VTI1A: variants seen among roughly 807,000 people sequenced by gnomAD.
The protein encoded by VTI1A is vesicle transport through interaction with t-SNAREs homolog 1A.
In VTI1A, 22 loss-of-function variants were observed where a neutral mutation model predicts 34.9. The ratio of observed to expected loss-of-function variants is 0.63; its 90% CI spans 0.45 to 0.90. VTI1A has a LOEUF of 0.90. Among genes scored for constraint, VTI1A ranks in the 40% least tolerant of loss-of-function variants. The pLI is 0.00. For synonymous variants in VTI1A, 87 were observed against 97.3 expected (o/e 0.89, Z 0.62); for missense variants, 268 against 275.6 (o/e 0.97, Z 0.20).
At chr10:112,672,293 A>G (rs1188984648) in intron 7 of VTI1A, among the ~76,000 whole-genome samples, 3 of 152,248 alleles carry the variant, frequency 2.0e-5, no homozygotes, top group Non-Finnish European at 4.4e-5. Flanking sequence ...AACTGCTTCA[A>G]CCGAAAAGAA....
chr10:112,611,810 C>T (rs1228475107), intron 5 of VTI1A, among the ~76,000 whole-genome samples: 1 of 143,472 alleles, frequency 7.0e-6, no homozygotes, highest in Non-Finnish European at 1.5e-5. Context: ...AGCGCTATCT[C>T]AGCTCACTGC....
intron 5 of VTI1A, among the ~76,000 whole-genome samples, chr10:112,597,790 C>T (rs1844720813): frequency 6.7e-6 from 1 of 148,302 alleles, no homozygotes; most frequent in South Asian, 2.1e-4. Context: ...CTCCGCCTCC[C>T]GGGTTCACGC....
At chr10:112,492,464 C>G (rs1423406631) in intron 3 of VTI1A, among the ~76,000 whole-genome samples, 2 of 152,080 alleles carry the variant, frequency 1.3e-5, no homozygotes, top group Non-Finnish European at 2.9e-5. Context: ...TAGATAAAAG[C>G]TATTTCTCCT....
At chr10:112,491,095 G>A (rs1442058404) in intron 3 of VTI1A, among the ~76,000 whole-genome samples, 1 of 152,216 alleles carries the variant, frequency 6.6e-6, no homozygotes, top group East Asian at 1.9e-4. Flanking sequence ...TTCATGACAA[G>A]AGTAGAACAT....
At chr10:112,477,378 G>T (rs907923744) in intron 3 of VTI1A, among the ~76,000 whole-genome samples, 10 of 152,290 alleles carry the variant, frequency 6.6e-5, no homozygotes, top group Admixed American at 2.0e-4. Context: ...TCCATCCTCA[G>T]TGCATTTTAT....
At chr10:112,506,078 C>T (rs1417394841) in intron 3 of VTI1A, among the ~76,000 whole-genome samples, 2 of 151,996 alleles carry the variant, frequency 1.3e-5, no homozygotes, top group South Asian at 2.1e-4. Context: ...AAATATGTGT[C>T]GTTGCCATTT....
chr10:112,486,651 A>G (rs1848640939), intron 3 of VTI1A, among the ~76,000 whole-genome samples: 1 of 152,002 alleles, frequency 6.6e-6, no homozygotes, highest in Admixed American at 6.6e-5. Flanking sequence ...ATCACAGAAT[A>G]TACAGTTGTA....
chr10:112,808,980 A>C (rs1347675086), intron 7 of VTI1A, among the ~76,000 whole-genome samples: 1 of 152,182 alleles, frequency 6.6e-6, no homozygotes, highest in Non-Finnish European at 1.5e-5. Flanking sequence ...ATCTGGCTTG[A>C]GTGGCAGACC....
rs67154330 is a variant in VTI1A at position 112,811,712 on chromosome 10, A to AAAAT, written c.561-3578_561-3577insAAAT. Reference sequence around the variant, plus strand: ...AAAAAAAAAAAAAAAAAAAAAAAAAAGAGTGCAGTCCATGCCTGGAAGTAG... The same window carrying AAAAT: ...AAAAAAAAAAAAAAAAAAAAAAAAAAAAATGAGTGCAGTCCATGCCTGGAAGTAG... On this transcript the variant is annotated intron_variant, in intron 7 of 7. Coordinates refer to ENST00000393077, the MANE Select transcript of VTI1A (RefSeq NM_145206.4). Among the ~76,000 whole-genome samples the AAAAT allele has an allele frequency of 8.3e-5, 7 of 84,044 alleles. 1 individual carries two copies. Among genetic ancestry groups the AAAAT allele is most frequent in the Non-Finnish European group, 1.6e-4 (7 of 44,322 alleles). The allele number at this position is 84,044 out of a possible 152,430, so 55.1% of individuals were successfully genotyped here. A position where few individuals can be genotyped will look rare whatever the true frequency, so the allele number is the denominator to read the frequency against.
chr10:112,743,016 G>A (rs1017615770), intron 7 of VTI1A, among the ~76,000 whole-genome samples: 1 of 41,696 alleles, frequency 2.4e-5, no homozygotes, highest in Non-Finnish European at 5.1e-5. Flanking sequence ...CTATTCTCGT[G>A]TGTGTGTGTG....
At chr10:112,522,630 C>T (rs977899933) in intron 3 of VTI1A, among the ~76,000 whole-genome samples, 3 of 152,076 alleles carry the variant, frequency 2.0e-5, no homozygotes, top group African/African-American at 4.8e-5. Flanking sequence ...TGACATTCTA[C>T]GTAGCCATCG....
Position 112,724,059 on chromosome 10 carries a change from T to C in VTI1A, c.560+55061T>C, listed in dbSNP as rs1192802007. On this transcript the variant is annotated intron_variant, in intron 7 of 7. Coordinates refer to ENST00000393077, the MANE Select transcript of VTI1A (RefSeq NM_145206.4). ...CCTACAAGCATTTAGTGGTTCACCA[T>C]TGCAGACACTGCATATCTTTGTATC... is the stretch of plus-strand genomic sequence containing the variant. 2.0e-5 allele frequency among the ~76,000 whole-genome samples: 3 copies of C among 152,332 alleles called. No individual in the cohort carries two copies. The East Asian group carries it at 5.8e-4, about 29-fold the overall frequency.
At chr10:112,692,314 A>G (rs947013300) in intron 7 of VTI1A, among the ~76,000 whole-genome samples, 2 of 152,366 alleles carry the variant, frequency 1.3e-5, no homozygotes, top group Middle Eastern at 3.4e-3. Flanking sequence ...GGGTCCTAGT[A>G]AATGTACTTG....
chr10:112,759,971 G>A (rs1027135810), intron 7 of VTI1A, among the ~76,000 whole-genome samples: 1 of 152,208 alleles, frequency 6.6e-6, no homozygotes, highest in Non-Finnish European at 1.5e-5. Flanking sequence ...GTTTGGGATG[G>A]GAGAACAATT....
At chr10:112,560,860 G>A (rs112505576) in intron 5 of VTI1A, among the ~76,000 whole-genome samples, 4 of 152,182 alleles carry the variant, frequency 2.6e-5, no homozygotes, top group African/African-American at 9.6e-5. Context: ...GCCTCCCAGA[G>A]TGCTGGGATT....
At chr10:112,781,191 C>G (rs1239133898) in intron 7 of VTI1A, among the ~76,000 whole-genome samples, 1 of 152,156 alleles carries the variant, frequency 6.6e-6, no homozygotes, top group East Asian at 2.0e-4. Flanking sequence ...GCAGTCTACC[C>G]GCCTCGGCCT....
At chr10:112,470,481 G>A (rs886265673) in intron 3 of VTI1A, among the ~76,000 whole-genome samples, 4 of 152,158 alleles carry the variant, frequency 2.6e-5, no homozygotes, top group Admixed American at 6.5e-5. Context: ...GAGCAAGAAC[G>A]GAGGAAGGCA....
intron 7 of VTI1A, among the ~76,000 whole-genome samples, chr10:112,716,473 T>C (rs1849618315): frequency 6.6e-6 from 1 of 152,190 alleles, no homozygotes; most frequent in Non-Finnish European, 1.5e-5. Flanking sequence ...CATACCCATA[T>C]GTGTACACAA....
At chr10:112,775,929 G>C (rs1264745704) in intron 7 of VTI1A, among the ~76,000 whole-genome samples, 1 of 152,182 alleles carries the variant, frequency 6.6e-6, no homozygotes, top group African/African-American at 2.4e-5. Context: ...AGAATAAACA[G>C]TTCCTTGTTA....
Sources: gnomAD v4.1 joint callset for allele counts (sites outside exome capture counted in the v4.1 genomes callset) on GRCh38, gnomAD v4.1.1 for gene constraint, MANE v1.5 for transcripts, NCBI Gene and HGNC (gene_info 2026-07-23, HGNC 2026-07-21) for gene names.